Variants in COL21A1 observed in about 807,000 individuals in gnomAD.
COL21A1 encodes collagen alpha-1(XXI) chain.
COL21A1 carries 149 observed loss-of-function variants against 137.9 expected under a neutral mutation model. That is an observed-to-expected ratio of 1.08 (90% confidence interval 0.95 to 1.24). The LOEUF is 1.24. Among genes scored for constraint, COL21A1 ranks in the 50% most tolerant of loss-of-function variants. COL21A1 has a pLI of 0.00. For missense variants in COL21A1, 1,167 were observed against 1,158.4 expected, an observed-to-expected ratio of 1.01 and a Z score of -0.11; for synonymous variants, 456 against 391.5, an observed-to-expected ratio of 1.16 and a Z score of -1.95.
intron 1 of COL21A1, among the ~76,000 whole-genome samples, chr6:56,285,245 A>G (rs933184558): frequency 1.3e-5 from 2 of 152,208 alleles, no homozygotes; most frequent in African/African-American, 4.8e-5. Flanking sequence ...AATAAGACTC[A>G]GTGACAATGT....
intron 1 of COL21A1, among the ~76,000 whole-genome samples, chr6:56,327,968 C>A (rs1358973662): frequency 6.6e-6 from 1 of 151,906 alleles, no homozygotes; most frequent in Admixed American, 6.6e-5. Context: ...AACATAATAG[C>A]CTGATTAGAA....
chr6:56,131,233 CA>C (rs1773534208), intron 12 of COL21A1, among the ~76,000 whole-genome samples: 1 of 151,544 alleles, frequency 6.6e-6, no homozygotes, highest in African/African-American at 2.4e-5. Flanking sequence ...TAATAACTTG[CA>C]AAGGCAAATA....
intron 5 of COL21A1, 150 bp from the exon 6 acceptor site, chr6:56,168,447 G>A (rs1168964085): frequency 2.0e-6 from 1 of 505,918 alleles, no homozygotes; most frequent in Non-Finnish European, 3.2e-6. Context: ...CTGATCCAAG[G>A]TGGACCTCAT....
In COL21A1 at chr6:56,076,613, T is replaced by A. The variant is rs186462127; in HGVS notation, c.1857+916A>T. Reference sequence around the variant, plus strand: ...GTTTATCATTTTTAAAAAAAATCAATTGATCATTCTAACAGATTAGACACA... The same window carrying A: ...GTTTATCATTTTTAAAAAAAATCAAATGATCATTCTAACAGATTAGACACA... On this transcript the variant is annotated intron_variant, in intron 18 of 29. Transcript: ENST00000244728. Among the ~76,000 whole-genome samples the A allele has an allele frequency of 1.2e-3, 185 of 151,548 alleles. 2 individuals are homozygous for A. Among genetic ancestry groups the A allele is most frequent in the Middle Eastern group, 3.4e-3 (1 of 294 alleles).
chr6:56,139,053 G>C (rs920375317), intron 12 of COL21A1, among the ~76,000 whole-genome samples: 1 of 152,098 alleles, frequency 6.6e-6, no homozygotes, highest in African/African-American at 2.4e-5. Context: ...CAGAATATAG[G>C]TACATATACG....
chr6:56,388,276 T>C (rs757754454), intron 1 of COL21A1, among the ~76,000 whole-genome samples: 1 of 152,148 alleles, frequency 6.6e-6, no homozygotes, highest in Non-Finnish European at 1.5e-5. Flanking sequence ...CAGGCAGTAG[T>C]TGCTACGGGC....
intron 16 of COL21A1, among the ~76,000 whole-genome samples, chr6:56,112,680 C>CTTTTTTTTTTTTTTTTTTTTTTTT: frequency 7.7e-6 from 1 of 129,678 alleles, no homozygotes; most frequent in African/African-American, 2.9e-5. Flanking sequence ...TTTTTCTTTT[C>CTTTTTTTTTTTTTTTTTTTTTTTT]TTTTTTCTTT....
intron 3 of COL21A1, among the ~76,000 whole-genome samples, chr6:56,176,304 C>T (rs1384306608): frequency 6.6e-6 from 1 of 150,760 alleles, no homozygotes; most frequent in African/African-American, 2.4e-5. Flanking sequence ...TTCTGTGCAG[C>T]AAAGGAGAAA....
chr6:56,170,567 C>T (rs1776954496), intron 5 of COL21A1, 82 bp downstream of exon 5: 2 of 811,770 alleles, frequency 2.5e-6, no homozygotes, highest in Admixed American at 3.0e-5. Flanking sequence ...AAAATTATAG[C>T]CCTCTTTTCC....
chr6:56,210,058 G>A (rs993572669), intron 1 of COL21A1, among the ~76,000 whole-genome samples: 1 of 151,902 alleles, frequency 6.6e-6, no homozygotes, highest in Non-Finnish European at 1.5e-5. Context: ...GTTGAACAAT[G>A]AGAGCACCTG....
At chr6:56,335,710 T>G (rs1765317904) in intron 1 of COL21A1, among the ~76,000 whole-genome samples, 1 of 152,210 alleles carries the variant, frequency 6.6e-6, no homozygotes, top group East Asian at 1.9e-4. Context: ...AATGGCCAAT[T>G]CCCTTGCTAT....
chr6:56,324,571 T>G (rs989388868), intron 1 of COL21A1, among the ~76,000 whole-genome samples: 19 of 151,910 alleles, frequency 1.3e-4, no homozygotes, highest in African/African-American at 4.6e-4. Flanking sequence ...TGGAGTAGGG[T>G]CCTGGATACC....
chr6:56,329,771 T>C (rs2152343326), intron 1 of COL21A1, among the ~76,000 whole-genome samples: 1 of 152,192 alleles, frequency 6.6e-6, no homozygotes, highest in Middle Eastern at 3.4e-3. Context: ...AGTCTCCAAT[T>C]TCTGAACTAA....
At chr6:56,277,047 C>G (rs2152333368) in intron 1 of COL21A1, among the ~76,000 whole-genome samples, 1 of 152,046 alleles carries the variant, frequency 6.6e-6, no homozygotes, top group East Asian at 1.9e-4. Context: ...GTCTCAATCT[C>G]CTGACCTCAT....
At chr6:56,385,959 G>A (rs564241698) in intron 1 of COL21A1, among the ~76,000 whole-genome samples, 6 of 151,450 alleles carry the variant, frequency 4.0e-5, no homozygotes, top group Non-Finnish European at 7.4e-5. Flanking sequence ...GAGTGCAGTG[G>A]TGCAATCTCA....
rs902990216 is a variant in COL21A1 at position 56,126,260 on chromosome 6, A to G, written c.1543-111T>C. The G allele has an allele frequency of 8.9e-6, 6 of 671,796 alleles. No individual in the cohort carries two copies. In the East Asian group the frequency reaches 1.5e-4, roughly 17 times the overall value. The allele number at this position is 671,796 out of a possible 1,614,324, so 41.6% of individuals were successfully genotyped here. On this transcript the variant is annotated intron_variant, in intron 12 of 29. Coordinates refer to ENST00000244728, the MANE Select transcript of COL21A1 (RefSeq NM_030820.4). ...CAAAATCCACTTCAAATCTATCTGCAAACAGTTAATTTCATATCAGCATTC... is the reference window on the plus strand; with the variant it reads ...CAAAATCCACTTCAAATCTATCTGCGAACAGTTAATTTCATATCAGCATTC...
rs1763609197 is a variant in COL21A1 at position 56,274,994 on chromosome 6, T to C, written c.-38-92338A>G. ...TAAAGCTACAGTAACCAAAACAGTA[T>C]GGTACTGGCACAAAAACAGTCACTT... On this transcript the variant is annotated intron_variant, in intron 1 of 28. Transcript: ENST00000370819. Among the ~76,000 whole-genome samples, 2 of 152,208 alleles carry C rather than the reference T, an allele frequency of 1.3e-5. 1 individual carries two copies. The highest frequency in any genetic ancestry group is 4.8e-5 in the African/African-American group (2 of 41,534).
At chr6:56,364,737 A>T (rs1036872322) in intron 1 of COL21A1, among the ~76,000 whole-genome samples, 3 of 150,806 alleles carry the variant, frequency 2.0e-5, no homozygotes, top group Non-Finnish European at 4.4e-5. Flanking sequence ...AATTTGCTAG[A>T]TGTTATCTCT....
intron 1 of COL21A1, among the ~76,000 whole-genome samples, chr6:56,223,323 GA>G (rs1282451078): frequency 1.3e-5 from 2 of 152,012 alleles, no homozygotes; most frequent in African/African-American, 4.8e-5. Context: ...AATATGAAGG[GA>G]AAGACTGTAC....
Sources: gnomAD v4.1 joint callset for allele counts (sites outside exome capture counted in the v4.1 genomes callset) on GRCh38, gnomAD v4.1.1 for gene constraint, MANE v1.5 for transcripts, NCBI Gene and HGNC (gene_info 2026-07-23, HGNC 2026-07-21) for gene names.